ADGRB3: variants seen among roughly 807,000 people sequenced by gnomAD.
ADGRB3 encodes the protein adhesion G protein-coupled receptor B3.
Under a neutral mutation model 193.4 loss-of-function variants are expected in ADGRB3, and 37 were observed. The ratio of observed to expected loss-of-function variants is 0.19; its 90% confidence interval spans 0.15 to 0.25. ADGRB3 has a LOEUF of 0.25. ADGRB3 is among the 10% of genes least tolerant of loss of function. The probability of loss-of-function intolerance (pLI) is 1.00; values close to 1 mark genes in which losing one functional copy is unlikely to be tolerated. For synonymous variants in ADGRB3, 690 were observed against 644.2 expected, an observed-to-expected ratio of 1.07 and a Z score of -1.08; for missense variants, 1,637 against 1,852.9, an observed-to-expected ratio of 0.88 and a Z score of 2.14.
intron 26 of ADGRB3, among the ~76,000 whole-genome samples, chr6:69,345,513 A>T (rs1036969317): frequency 3.9e-5 from 6 of 152,234 alleles, no homozygotes; most frequent in African/African-American, 1.4e-4. Context: ...CCACATGATT[A>T]TCTCAATAGA....
At position 68,956,632 on chromosome 6, in the gene ADGRB3, A is replaced by T; in HGVS notation, c.1361-13A>T. On this transcript the variant is annotated splice_polypyrimidine_tract_variant and intron_variant, in intron 7 of 31. Transcript: ENST00000370598. Reference sequence around the variant, plus strand: ...GTAGATGACTGACATTGACCATGAAACATTTCTTTCAGCCAATGGTCAATG... The same window carrying T: ...GTAGATGACTGACATTGACCATGAATCATTTCTTTCAGCCAATGGTCAATG... The T allele has an allele frequency of 6.2e-7, 1 of 1,613,676 alleles. No individual in the cohort carries two copies. Among genetic ancestry groups the T allele is most frequent in the Non-Finnish European group, 8.5e-7 (1 of 1,179,750 alleles).
At chr6:68,908,830 T>G (rs1300759661) in intron 3 of ADGRB3, among the ~76,000 whole-genome samples, 1 of 152,172 alleles carries the variant, frequency 6.6e-6, no homozygotes, top group Non-Finnish European at 1.5e-5. Context: ...GTATTTGTAG[T>G]TCACATGGTC....
intron 21 of ADGRB3, among the ~76,000 whole-genome samples, chr6:69,327,146 T>A (rs1448664262): frequency 6.7e-6 from 1 of 149,438 alleles, no homozygotes; most frequent in Non-Finnish European, 1.5e-5. Flanking sequence ...TAACCAAAAC[T>A]AAAAAAAAAA....
At position 69,052,674 on chromosome 6, in the gene ADGRB3, T is replaced by C. The variant is rs193136273; in HGVS notation, c.2333+3328T>C. Among the ~76,000 whole-genome samples the C allele has an allele frequency of 2.6e-5, 4 of 152,370 alleles. No homozygotes were observed. The East Asian group carries it at 7.7e-4, about 29-fold the overall frequency. ...TTTTGCATGTTGACTCTCTCTTTTA[T>C]TGAGATATTTCTCTTCTTCTCTTAG... On this transcript the variant is annotated intron_variant, in intron 15 of 31. Coordinates refer to ENST00000370598, the MANE Select transcript of ADGRB3 (RefSeq NM_001704.3).
At chr6:68,718,601 C>A (rs962681561) in intron 3 of ADGRB3, among the ~76,000 whole-genome samples, 4 of 151,762 alleles carry the variant, frequency 2.6e-5, no homozygotes, top group African/African-American at 9.7e-5. Flanking sequence ...AGGTCATATT[C>A]ATTTCTCAAG....
At chr6:68,814,256 G>T (rs940207910) in intron 3 of ADGRB3, among the ~76,000 whole-genome samples, 5 of 152,150 alleles carry the variant, frequency 3.3e-5, no homozygotes, top group African/African-American at 1.2e-4. Context: ...ATTCTAACTG[G>T]TGTGAGATGG....
intron 13 of ADGRB3, among the ~76,000 whole-genome samples, chr6:69,036,668 A>G (rs917686076): frequency 1.3e-5 from 2 of 152,158 alleles, no homozygotes; most frequent in Admixed American, 6.6e-5. Flanking sequence ...GGAAAAAATA[A>G]TTTAGCGGAG....
chr6:68,947,014 A>T (rs1238800277), intron 6 of ADGRB3, among the ~76,000 whole-genome samples: 3 of 152,044 alleles, frequency 2.0e-5, no homozygotes, highest in Admixed American at 2.0e-4. Flanking sequence ...GGATCCATAT[A>T]AGGAGGAAGG....
intron 3 of ADGRB3, among the ~76,000 whole-genome samples, chr6:68,882,884 G>GTT (rs145658478): frequency 6.7e-6 from 1 of 149,246 alleles, no homozygotes; most frequent in Admixed American, 6.7e-5. Flanking sequence ...TCTATTACTA[G>GTT]TTTTTTTTTT....
At chr6:68,661,852 A>G (rs2127288948) in intron 3 of ADGRB3, among the ~76,000 whole-genome samples, 1 of 151,348 alleles carries the variant, frequency 6.6e-6, no homozygotes, top group South Asian at 2.1e-4. Flanking sequence ...AGATGCCTTA[A>G]TGGGACCATG....
At chr6:68,831,497 T>C (rs1268183766) in intron 3 of ADGRB3, among the ~76,000 whole-genome samples, 3 of 152,104 alleles carry the variant, frequency 2.0e-5, no homozygotes, top group African/African-American at 4.8e-5. Context: ...CTATGAGATA[T>C]AGAAGTCTGT....
At chr6:69,093,736 A>T (rs1772785326) in intron 17 of ADGRB3, among the ~76,000 whole-genome samples, 1 of 151,446 alleles carries the variant, frequency 6.6e-6, no homozygotes, top group Admixed American at 6.6e-5. Context: ...AGGTTCAGGG[A>T]AAGAGAGGGT....
intron 17 of ADGRB3, among the ~76,000 whole-genome samples, chr6:69,216,387 T>G (rs924822619): frequency 8.5e-5 from 13 of 152,208 alleles, no homozygotes; most frequent in African/African-American, 2.9e-4. Context: ...TTGAAGGGCT[T>G]TTAACACCTT....
At chr6:68,664,676 T>G (rs574624177) in intron 3 of ADGRB3, among the ~76,000 whole-genome samples, 1 of 151,942 alleles carries the variant, frequency 6.6e-6, no homozygotes, top group Admixed American at 6.6e-5. Flanking sequence ...ATCCTACTAT[T>G]TTTATGCTCT....
intron 29 of ADGRB3, among the ~76,000 whole-genome samples, chr6:69,370,775 G>A (rs887818338): frequency 6.6e-6 from 1 of 152,064 alleles, no homozygotes; most frequent in Non-Finnish European, 1.5e-5. Context: ...GAATTTTGCT[G>A]TATTAAGAAA....
chr6:69,109,589 C>G (rs1773310235), intron 17 of ADGRB3, among the ~76,000 whole-genome samples: 1 of 152,058 alleles, frequency 6.6e-6, no homozygotes, highest in African/African-American at 2.4e-5. Context: ...AGAAAATTAG[C>G]TTTATAGGAG....
Position 68,882,404 on chromosome 6 carries a change from G to C in ADGRB3, c.758-48155G>C, listed in dbSNP as rs191726437. 4.6e-3 allele frequency among the ~76,000 whole-genome samples: 707 copies of C among 152,288 alleles called. 4 individuals carry two copies. The highest frequency in any genetic ancestry group is 0.016 in the African/African-American group (664 of 41,554). ...TCATTTCCTGTTGGGAATTTTCCAT[G>C]TGAATATAGGACTGTTCCTCTATCT... On this transcript the variant is annotated intron_variant, in intron 3 of 31. Transcript: ENST00000370598.
intron 6 of ADGRB3, among the ~76,000 whole-genome samples, chr6:68,952,388 A>G (rs1352572148): frequency 6.6e-6 from 1 of 152,132 alleles, no homozygotes; most frequent in African/African-American, 2.4e-5. Context: ...GTTTATATAT[A>G]TATAGTCTGT....
chr6:68,887,980 G>A (rs1765956697), intron 3 of ADGRB3, among the ~76,000 whole-genome samples: 1 of 152,094 alleles, frequency 6.6e-6, no homozygotes, highest in African/African-American at 2.4e-5. Flanking sequence ...TCTCATATTG[G>A]TGCTCCTTTC....
Sources: allele counts gnomAD v4.1 joint callset (sites outside exome capture counted in the v4.1 genomes callset), GRCh38; gene constraint gnomAD v4.1.1; transcripts MANE v1.5; gene names NCBI Gene and HGNC (gene_info 2026-07-23, HGNC 2026-07-21).